The following ALB variants were observed in gnomAD, a reference collection of about 807,000 sequenced individuals.
The protein encoded by ALB is albumin.
A neutral mutation model predicts 74.5 loss-of-function variants in ALB; 37 were observed. The ratio of observed to expected loss-of-function variants is 0.50; its 90% CI spans 0.38 to 0.65. The LOEUF (loss-of-function observed/expected upper bound fraction) is 0.65, where lower values mean the gene tolerates loss of function less well. ALB is among the 30% of genes least tolerant of loss of function. The pLI is 0.00. For missense variants in ALB, 685 were observed against 718.7 expected, an observed-to-expected ratio of 0.95 and a Z score of 0.54; for synonymous variants, 249 against 251.6, an observed-to-expected ratio of 0.99 and a Z score of 0.10.
Position 73,410,847 on chromosome 4 carries a change from A to G in ALB, c.713+438A>G, listed in dbSNP as rs56343254. 5.6e-3 allele frequency among the ~76,000 whole-genome samples: 850 copies of G among 152,292 alleles called. 6 individuals are homozygous for G. The highest frequency in any genetic ancestry group is 0.017 in the African/African-American group (692 of 41,566). On this transcript the variant is annotated intron_variant, in intron 6 of 14. Coordinates refer to ENST00000295897, the MANE Select transcript of ALB (RefSeq NM_000477.7). ...ATTTTGATATAAGTATACAACATAT[A>G]TAATCCCTTTATTTAATTTTATCTT...
chr4:73,409,321 A>G, intron 4 of ALB, 34 bp from the exon 5 acceptor site: 1 of 1,605,174 alleles, frequency 6.2e-7, no homozygotes, highest in South Asian at 1.1e-5. Flanking sequence ...TGTCTGCTAT[A>G]GAAAAGTGAC....
rs117822149 is a variant in ALB at position 73,417,219 on chromosome 4, G to A, written c.1290-312G>A. On this transcript the variant is annotated intron_variant, in intron 10 of 14. Coordinates refer to ENST00000295897, the MANE Select transcript of ALB (RefSeq NM_000477.7). ...CTTGTATCTTTCAAGTTTAGCATAT[G>A]CTGATACATATGAAGCTCTCTCCAG... Among the ~76,000 whole-genome samples, 189 of 152,238 alleles carry A rather than the reference G, an allele frequency of 1.2e-3. 1 individual carries two copies. In the East Asian group the frequency reaches 0.025, roughly 21 times the overall value.
At position 73,413,346 on chromosome 4, in the gene ALB, A is replaced by G. The variant is rs1036491538; in HGVS notation, c.844-74A>G. The G allele has an allele frequency of 3.3e-5, 45 of 1,358,716 alleles. No homozygotes were observed. The South Asian group carries it at 4.4e-4, about 13-fold the overall frequency. The allele number at this position is 1,358,716 out of a possible 1,614,324, so 84.2% of individuals were successfully genotyped here. On this transcript the variant is annotated intron_variant, in intron 7 of 14. Transcript: ENST00000295897. ...AGAATACAATGAATATGTTCTGCCA[A>G]CTTAATAAAGGTCTGAGGAGAAAGT...
intron 11 of ALB, 29 bp downstream of exon 11, chr4:73,417,698 A>G (rs749736215): frequency 6.6e-7 from 1 of 1,504,578 alleles, no homozygotes; most frequent in Non-Finnish European, 8.9e-7. Flanking sequence ...ATAATAAATT[A>G]ATAATGAAAA....
intron 7 of ALB, 181 bp downstream of exon 7, chr4:73,412,306 T>A: frequency 1.4e-6 from 1 of 732,344 alleles, no homozygotes; most frequent in Non-Finnish European, 2.4e-6. Context: ...AACCTGGCTA[T>A]AAATTACCAG....
intron 9 of ALB, chr4:73,415,438 A>G (rs1718990539): frequency 5.2e-6 from 2 of 384,960 alleles, no homozygotes; most frequent in Non-Finnish European, 9.4e-6. Context: ...AGAACAAAAA[A>G]AAATTAAATT....
chr4:73,410,184 G>T, intron 5 of ALB, 128 bp from the exon 6 acceptor site: 1 of 727,250 alleles, frequency 1.4e-6, no homozygotes, highest in South Asian at 1.5e-5. Flanking sequence ...GCTAAAGGGA[G>T]TACTTGGGAA....
At chr4:73,420,384 T>A (rs1246923160) in intron 14 of ALB, 63 bp downstream of exon 14, 1 of 1,164,314 alleles carries the variant, frequency 8.6e-7, no homozygotes, top group Admixed American at 2.0e-5. Context: ...ATAGCAAAGA[T>A]TGACCATTTC....
Position 73,406,769 on chromosome 4 carries a change from C to T in ALB, c.270+8C>T, listed in dbSNP as rs752917056. ...AATTGTGACAAATCACTTGTAAGTA[C>T]ATTCTAATTGTGGAGATTCTTTCTT... On this transcript the variant is annotated splice_region_variant and intron_variant, in intron 3 of 14. Coordinates refer to ENST00000295897, the MANE Select transcript of ALB (RefSeq NM_000477.7). 5 of 1,613,510 alleles carry T rather than the reference C, an allele frequency of 3.1e-6. No homozygotes were observed. Among genetic ancestry groups the T allele is most frequent in the Middle Eastern group, 1.7e-4 (1 of 6,022 alleles).
chr4:73,419,768 A>T, intron 13 of ALB, 129 bp downstream of exon 13: 2 of 1,165,354 alleles, frequency 1.7e-6, no homozygotes, highest in Non-Finnish European at 2.5e-6. Flanking sequence ...TTTTACAAAC[A>T]ATTGTCTTAC....
intron 12 of ALB, 124 bp from the exon 13 acceptor site, chr4:73,419,383 G>C (rs991888608): frequency 3.7e-6 from 4 of 1,092,410 alleles, no homozygotes; most frequent in Non-Finnish European, 5.2e-6. Flanking sequence ...AAAGTACTCA[G>C]AGTTGCCTGG....
At chr4:73,409,150 C>T (rs1294453518) in intron 4 of ALB, 7 of 561,988 alleles carry the variant, frequency 1.2e-5, no homozygotes, top group Non-Finnish European at 2.2e-5. Flanking sequence ...CATTTATGCA[C>T]ACACACACAC....
chr4:73,409,064 A>G (rs1718802846), intron 4 of ALB: 3 of 576,926 alleles, frequency 5.2e-6, no homozygotes, highest in Admixed American at 6.2e-5. Context: ...TATTTAATGT[A>G]TTACGAAGAT....
chr4:73,418,667 A>G (rs1196222240), intron 12 of ALB, among the ~76,000 whole-genome samples: 1 of 152,202 alleles, frequency 6.6e-6, no homozygotes, highest in Non-Finnish European at 1.5e-5. Flanking sequence ...GATGTAAATA[A>G]TTATTTTAAG....
At chr4:73,416,770 A>G (rs1560859227) in intron 10 of ALB, among the ~76,000 whole-genome samples, 1 of 152,240 alleles carries the variant, frequency 6.6e-6, no homozygotes, top group African/African-American at 2.4e-5. Flanking sequence ...ATTTAGATAC[A>G]TATTTGAATA....
intron 3 of ALB, among the ~76,000 whole-genome samples, chr4:73,407,426 C>T (rs560123243): frequency 2.6e-5 from 4 of 152,256 alleles, no homozygotes; most frequent in East Asian, 3.9e-4. Context: ...ATGTTGTTGC[C>T]TATTGCAGAA....
Position 73,410,358 on chromosome 4 carries a change from G to C in ALB, c.662G>C (p.Arg221Thr). Residue 221 changes from arginine (R) to threonine (T), a missense_variant, in exon 6 of 15, where the codon AGA (arginine) becomes ACA (threonine). By Grantham distance (71) the Arg-to-Thr change is moderately conservative. Coordinates refer to ENST00000295897, the MANE Select transcript of ALB (RefSeq NM_000477.7). ...DEGKASSAKQ[R>T]LKCASLQKFG... is the part of the protein sequence containing the mutation. ...GGGAAGGCTTCGTCTGCCAAACAGAGACTCAAGTGTGCCAGTCTCCAAAAA... is the reference window on the plus strand; with the variant it reads ...GGGAAGGCTTCGTCTGCCAAACAGACACTCAAGTGTGCCAGTCTCCAAAAA... 1 of 1,613,872 alleles carries C rather than the reference G, an allele frequency of 6.2e-7. No individual in the cohort carries two copies. Among genetic ancestry groups the C allele is most frequent in the Non-Finnish European group, 8.5e-7 (1 of 1,179,798 alleles).
At position 73,415,036 on chromosome 4, in the gene ALB, T is replaced by C. The variant is rs1718977925; in HGVS notation, c.1060T>C (p.Phe354Leu). 3 of 1,613,994 alleles carry C rather than the reference T, an allele frequency of 1.9e-6. No homozygotes were observed. Among genetic ancestry groups the C allele is most frequent in the Non-Finnish European group, 2.5e-6 (3 of 1,179,916 alleles). The change falls in exon 9 of 15, where the codon TTT (phenylalanine) becomes CTT (leucine). Residue 354 changes from phenylalanine to leucine, a missense_variant and splice_region_variant. Phe to Leu is a conservative substitution (Grantham distance 22). Coordinates refer to ENST00000295897, the MANE Select transcript of ALB (RefSeq NM_000477.7). Reference sequence around the variant, plus strand: ...CTATTTTATTTTCATCTTAATTAGGTTTTTGTATGAATATGCAAGAAGGCA... The same window carrying C: ...CTATTTTATTTTCATCTTAATTAGGCTTTTGTATGAATATGCAAGAAGGCA... Reference protein sequence around the residue: ...AEAKDVFLGMFLYEYARRHPD... With the variant: ...AEAKDVFLGMLLYEYARRHPD...
intron 3 of ALB, 33 bp downstream of exon 3, chr4:73,406,794 TC>T (rs746808096): frequency 6.2e-7 from 1 of 1,612,612 alleles, no homozygotes; most frequent in East Asian, 2.2e-5. Context: ...GATTCTTTCT[TC>T]TGTTTGAAGT....
Sources: allele counts gnomAD v4.1 joint callset (sites outside exome capture counted in the v4.1 genomes callset), GRCh38; gene constraint gnomAD v4.1.1; transcripts MANE v1.5; gene names NCBI Gene and HGNC (gene_info 2026-07-23, HGNC 2026-07-21).